Variants in SLC26A1 observed in about 807,000 individuals in gnomAD.
SLC26A1 encodes sulfate anion transporter 1.
SLC26A1 carries 18 observed loss-of-function variants against 14.5 expected under a neutral mutation model. The ratio of observed to expected loss-of-function variants is 1.24; its 90% CI spans 0.86 to 1.84. The LOEUF (loss-of-function observed/expected upper bound fraction) is 1.84. SLC26A1 is among the 40% of genes most tolerant of loss of function. SLC26A1 has a pLI of 0.00. For synonymous variants in SLC26A1, 505 were observed against 492.0 expected, an observed-to-expected ratio of 1.03 and a Z score of -0.35; for missense variants, 1,049 against 1,020.0, an observed-to-expected ratio of 1.03 and a Z score of -0.39.
At position 991,431 on chromosome 4, in the gene SLC26A1, T is replaced by G. The variant is rs1714317276; in HGVS notation, c.273A>C (p.Ser91=). 6.2e-7 allele frequency: 1 copy of G among 1,612,726 alleles called. No homozygotes were observed. Among genetic ancestry groups the G allele is most frequent in the Non-Finnish European group, 8.5e-7 (1 of 1,179,936 alleles). Residue 91 remains serine (S), a synonymous_variant, in exon 2 of 3, where the codon TCA becomes TCC. Coordinates refer to ENST00000398516, the MANE Select transcript of SLC26A1 (RefSeq NM_022042.4). ...IILVPQAIAY[S]LLAGLQPIYS... The stretch of plus-strand genomic sequence containing the variant: ...AGATGGGCTGCAGCCCGGCCAGCAA[T>G]GAGTAGGCGATGGCCTGCGGCACCA...
chr4:984,146 T>G (rs1232983727), downstream of SLC26A1, among the ~76,000 whole-genome samples: 2 of 152,222 alleles, frequency 1.3e-5, no homozygotes, highest in East Asian at 3.8e-4. Flanking sequence ...AATTTGCTGT[T>G]AAACCAATTC....
chr4:980,875 GCAACTGCCTAGATA>G (rs1278436027), intron 2 of SLC26A1, among the ~76,000 whole-genome samples: 1 of 151,904 alleles, frequency 6.6e-6, no homozygotes, highest in African/African-American at 2.4e-5. Context: ...GGAAAAAACA[GCAACTGCCTAGATA>G]CAAGCAGAGA....
chr4:981,541 G>A (rs1173473614), intron 2 of SLC26A1, among the ~76,000 whole-genome samples: 3 of 152,194 alleles, frequency 2.0e-5, no homozygotes, highest in East Asian at 3.9e-4. Context: ...AGGAGACTGA[G>A]GTGGGAGGCC....
chr4:987,813 C>G lies in SLC26A1; in HGVS notation c.*1020G>C, dbSNP rs776561903. The G allele has an allele frequency of 6.2e-7, 1 of 1,612,406 alleles. No homozygotes were observed. The highest frequency in any genetic ancestry group is 8.5e-7 in the Non-Finnish European group (1 of 1,179,862). The stretch of plus-strand genomic sequence containing the variant: ...CCGCCCCTTTGTTGTCCCCAGCCCC[C>G]CGCTGCCACACAGCCAGGCTGACCA... On this transcript the variant is annotated 3_prime_UTR_variant, in exon 3 of 3. Transcript: ENST00000398516.
chr4:986,929 C>T (rs560411038), downstream of SLC26A1: 4 of 732,574 alleles, frequency 5.5e-6, no homozygotes, highest in Middle Eastern at 2.8e-4. Context: ...CCCCGAGGCT[C>T]CCCGAGGCCA....
chr4:988,208 A>T lies in SLC26A1; in HGVS notation c.*625T>A, dbSNP rs373044300. 86 of 1,343,452 alleles carry T rather than the reference A, an allele frequency of 6.4e-5. No homozygotes were observed. The East Asian group carries it at 2.2e-3, about 34-fold the overall frequency. The allele number at this position is 1,343,452 out of a possible 1,614,324, so 83.2% of individuals were successfully genotyped here. On this transcript the variant is annotated 3_prime_UTR_variant, in exon 3 of 3. Transcript: ENST00000398516. Reference sequence around the variant, plus strand: ...CTGCGCCGCACCTGGCTCCTGGTGCACCCGTGAGCATCCCTGTGTGTGTCT... The same window carrying T: ...CTGCGCCGCACCTGGCTCCTGGTGCTCCCGTGAGCATCCCTGTGTGTGTCT...
intron 2 of SLC26A1, among the ~76,000 whole-genome samples, chr4:981,781 C>G (rs1713551000): frequency 6.6e-6 from 1 of 152,218 alleles, no homozygotes; most frequent in Non-Finnish European, 1.5e-5. Flanking sequence ...GCTTCTGATG[C>G]AAGAACCAGC....
downstream of SLC26A1, chr4:987,540 A>T: frequency 9.0e-7 from 1 of 1,108,440 alleles, no homozygotes; most frequent in Non-Finnish European, 1.2e-6. Flanking sequence ...TGCCTGTCCC[A>T]TTCCTTCCAC....
downstream of SLC26A1, chr4:987,150 G>A (rs1478466087): frequency 2.8e-6 from 4 of 1,417,732 alleles, no homozygotes; most frequent in African/African-American, 6.0e-5. Flanking sequence ...CCGCGCCCCC[G>A]GTGGCCCCGG....
Position 990,197 on chromosome 4 carries a change from T to G in SLC26A1, c.742A>C (p.Thr248Pro), listed in dbSNP as rs755828368. The G allele has an allele frequency of 1.9e-5, 29 of 1,561,896 alleles. No individual in the cohort carries two copies. Among genetic ancestry groups the G allele is most frequent in the Non-Finnish European group, 2.3e-5 (26 of 1,153,816 alleles). ...RHQGPGMVVL[T>P]WLSLLRGAGQ... is the part of the protein sequence containing the mutation. ...GCGCCGCGCAGCAGGCTCAGCCATGTGAGGACCACCATGCCGGGCCCCTGG... is the reference window on the plus strand; with the variant it reads ...GCGCCGCGCAGCAGGCTCAGCCATGGGAGGACCACCATGCCGGGCCCCTGG... Residue 248 changes from threonine to proline, a missense_variant, in exon 3 of 3, where the codon ACA (threonine) becomes CCA (proline). Coordinates refer to ENST00000398516, the MANE Select transcript of SLC26A1 (RefSeq NM_022042.4).
chr4:988,901 C>T lies in SLC26A1; in HGVS notation c.2038G>A (p.Val680Met). Residue 680 changes from valine to methionine, a missense_variant, in exon 3 of 3, where the codon GTG (valine) becomes ATG (methionine). By Grantham distance (21) the Val-to-Met change is conservative (BLOSUM62 1). Transcript: ENST00000398516. ...TAEEEQLFLS[V>M]HDAVQTARAR... ...CGTGCTGTCTGCACGGCATCGTGCA[C>T]ACTGAGGAACAGCTGCTCCTCCTCA... is the stretch of plus-strand genomic sequence containing the variant. 1.2e-6 allele frequency: 2 copies of T among 1,604,756 alleles called. No individual in the cohort carries two copies.
chr4:980,551 A>G (rs1713507703), intron 2 of SLC26A1, among the ~76,000 whole-genome samples: 1 of 148,968 alleles, frequency 6.7e-6, no homozygotes, highest in Non-Finnish European at 1.5e-5. Context: ...GCGCCACTGC[A>G]CTCCAGCCTG....
At chr4:980,698 G>A (rs574447050) in intron 2 of SLC26A1, among the ~76,000 whole-genome samples, 16 of 151,400 alleles carry the variant, frequency 1.1e-4, no homozygotes, top group Non-Finnish European at 2.1e-4. Context: ...CGAAAACCAA[G>A]ATTTTGTTTA....
downstream of SLC26A1, chr4:987,124 C>T: frequency 6.9e-7 from 1 of 1,440,776 alleles, no homozygotes; most frequent in Non-Finnish European, 9.1e-7. Context: ...GCTGGCGCTC[C>T]TGGCCTCGCT....
In SLC26A1 at chr4:990,214, G is replaced by A. The variant is rs377680414; in HGVS notation, c.725C>T (p.Pro242Leu). The A allele has an allele frequency of 1.6e-5, 25 of 1,564,946 alleles. No individual in the cohort carries two copies. Among genetic ancestry groups the A allele is most frequent in the African/African-American group, 4.0e-5 (3 of 74,078 alleles). ...CAGCCATGTGAGGACCACCATGCCG[G>A]GCCCCTGGTGCCGCGGGATCCGCAC... is the stretch of plus-strand genomic sequence containing the variant. ...LGVRIPRHQGPGMVVLTWLSL... is the reference protein window; with the variant it reads ...LGVRIPRHQGLGMVVLTWLSL... The change falls in exon 3 of 3, where the codon CCC becomes CTC. Residue 242 changes from proline to leucine, a missense_variant. Coordinates refer to ENST00000398516, the MANE Select transcript of SLC26A1 (RefSeq NM_022042.4).
chr4:987,697 C>G lies in SLC26A1; in HGVS notation c.*1136G>C, dbSNP rs913294828. The G allele has an allele frequency of 1.3e-6, 2 of 1,541,430 alleles. No homozygotes were observed. Among genetic ancestry groups the G allele is most frequent in the East Asian group, 2.4e-5 (1 of 41,858 alleles). ...GTCATTTTATTAGTCACTGAACGCACGGGCAGCGCCTGGATCCTGCGCCCG... is the reference window on the plus strand; with the variant it reads ...GTCATTTTATTAGTCACTGAACGCAGGGGCAGCGCCTGGATCCTGCGCCCG... On this transcript the variant is annotated 3_prime_UTR_variant, in exon 3 of 3. Coordinates refer to ENST00000398516, the MANE Select transcript of SLC26A1 (RefSeq NM_022042.4).
At chr4:983,417 C>T (rs1205713873), downstream of SLC26A1, among the ~76,000 whole-genome samples, 2 of 152,212 alleles carry the variant, frequency 1.3e-5, no homozygotes, top group Non-Finnish European at 2.9e-5. Flanking sequence ...ATTCTCTGGC[C>T]TGCCTTGTTT....
intron 2 of SLC26A1, among the ~76,000 whole-genome samples, chr4:981,074 G>A (rs370431690): frequency 4.6e-5 from 7 of 152,172 alleles, no homozygotes; most frequent in South Asian, 2.1e-4. Context: ...GTCACGTCAC[G>A]CAGACACGGC....
downstream of SLC26A1, among the ~76,000 whole-genome samples, chr4:983,810 G>T (rs898568796): frequency 1.6e-4 from 24 of 152,128 alleles, no homozygotes; most frequent in African/African-American, 5.8e-4. Flanking sequence ...CTTTCTACTT[G>T]AAGAACACCA....
Sources: allele counts gnomAD v4.1 joint callset (sites outside exome capture counted in the v4.1 genomes callset), GRCh38; gene constraint gnomAD v4.1.1; transcripts MANE v1.5; gene names NCBI Gene and HGNC (gene_info 2026-07-23, HGNC 2026-07-21).